Variants in HADHA observed in about 807,000 individuals in gnomAD.
HADHA encodes the protein trifunctional enzyme subunit alpha, mitochondrial.
In HADHA, 59 loss-of-function variants were observed where a neutral mutation model predicts 91.3. That is an observed-to-expected ratio of 0.65 (90% CI 0.52 to 0.80). The LOEUF is 0.80. HADHA is among the 30% of genes least tolerant of loss of function. The pLI is 0.00. For synonymous variants in HADHA, 320 were observed against 338.9 expected, an observed-to-expected ratio of 0.94 and a Z score of 0.61; for missense variants, 800 against 927.6, an observed-to-expected ratio of 0.86 and a Z score of 1.79.
At chr2:26,212,996 A>G (rs189460387) in intron 9 of HADHA, among the ~76,000 whole-genome samples, 4 of 152,320 alleles carry the variant, frequency 2.6e-5, no homozygotes, top group Non-Finnish European at 4.4e-5. Context: ...AACTCTACAA[A>G]ATTCAATGTA....
intron 4 of HADHA, among the ~76,000 whole-genome samples, chr2:26,234,927 T>C (rs977308324): frequency 5.3e-5 from 8 of 152,154 alleles, no homozygotes; most frequent in African/African-American, 1.9e-4. Context: ...ATCAGGTAGT[T>C]AACAGCAATA....
At chr2:26,239,977 T>C (rs973859127) in intron 1 of HADHA, among the ~76,000 whole-genome samples, 8 of 152,328 alleles carry the variant, frequency 5.3e-5, no homozygotes, top group South Asian at 2.1e-4. Context: ...ACTTGACTAA[T>C]AGTATGTTTC....
In HADHA at chr2:26,244,077, C is replaced by CA. The variant is rs1269774806; in HGVS notation, c.67+452dup. Among the ~76,000 whole-genome samples, 7 of 152,386 alleles carry CA rather than the reference C, an allele frequency of 4.6e-5. No individual in the cohort carries two copies. In the East Asian group the frequency reaches 1.2e-3, roughly 25 times the overall value. On this transcript the variant is annotated intron_variant, in intron 1 of 19. Transcript: ENST00000380649. ...CGGAGCAGGGAGGGGCAGTGATCTG[C>CA]AAGGCTGATTAATCCCATACAAGAC...
Position 26,193,654 on chromosome 2 carries a change from A to G in HADHA, c.1808T>C (p.Leu603Pro), listed in dbSNP as rs1669576803. The change falls in exon 17 of 20, where the codon CTG becomes CCG. Residue 603 changes from leucine to proline, a missense_variant. Physicochemically the swap from Leu to Pro is moderately conservative, Grantham distance 98. Transcript: ENST00000380649. Reference protein sequence around the residue: ...VDVAKHVAEDLGKVFGERFGG... With the variant: ...VDVAKHVAEDPGKVFGERFGG... ...AAACCGCTCCCCAAAGACTTTGCCC[A>G]GATCTTCCGCCACATGTTTCGCTAC... 1 of 1,614,144 alleles carries G rather than the reference A, an allele frequency of 6.2e-7. No individual in the cohort carries two copies. Among genetic ancestry groups the G allele is most frequent in the South Asian group, 1.1e-5 (1 of 91,080 alleles).
chr2:26,192,522 C>T (rs1669538619), intron 17 of HADHA, 98 bp from the exon 18 acceptor site: 1 of 771,048 alleles, frequency 1.3e-6, no homozygotes, highest in Admixed American at 1.8e-5. Flanking sequence ...CGTGGTGGCT[C>T]ACGCCTGTAA....
rs80105077 is a variant in HADHA at position 26,209,498 on chromosome 2, G to A, written c.1085+282C>T. The stretch of plus-strand genomic sequence containing the variant: ...ATTGAACAGTGCAGAGGGAGTGTGT[G>A]GTTTGGGAAGGGGGACCTAAACCAG... On this transcript the variant is annotated intron_variant, in intron 11 of 19. Transcript: ENST00000380649. Among the ~76,000 whole-genome samples the A allele has an allele frequency of 4.6e-3, 704 of 152,264 alleles. 3 individuals carry two copies. The highest frequency in any genetic ancestry group is 0.016 in the African/African-American group (685 of 41,550).
intron 7 of HADHA, among the ~76,000 whole-genome samples, chr2:26,217,293 G>C (rs1670260788): frequency 6.6e-6 from 1 of 151,924 alleles, no homozygotes; most frequent in Non-Finnish European, 1.5e-5. Flanking sequence ...AATGAAAGAA[G>C]ACCTAAAACA....
intron 12 of HADHA, among the ~76,000 whole-genome samples, chr2:26,202,090 CGCCCAGCCTGTGG>C (rs1669861288): frequency 6.6e-6 from 1 of 152,032 alleles, no homozygotes; most frequent in South Asian, 2.1e-4. Flanking sequence ...TGAGCCACCG[CGCCCAGCCTGTGG>C]TTGTAATCTT....
chr2:26,201,239 A>C lies in HADHA; in HGVS notation c.1302T>G (p.Asp434Glu), dbSNP rs1047415253. 2 of 1,612,748 alleles carry C rather than the reference A, an allele frequency of 1.2e-6. No homozygotes were observed. The highest frequency in any genetic ancestry group is 2.7e-5 in the African/African-American group (2 of 74,888). ...TGTCGGCCTTTTCAAAACCTTGGTA[A>C]TCAAGCTGCCCAGTCAAGTTGCTGA... ...SIFSNLTGQL[D>E]YQGFEKADMV... Residue 434 changes from aspartate (D) to glutamate (E), a missense_variant, in exon 13 of 20, where the codon GAT (aspartate) becomes GAG (glutamate). By Grantham distance (45) the Asp-to-Glu change is conservative. Transcript: ENST00000380649.
At chr2:26,212,288 T>C (rs552152761) in intron 10 of HADHA, 2 of 419,462 alleles carry the variant, frequency 4.8e-6, no homozygotes, top group South Asian at 2.2e-5. Context: ...GGTTTTGCCA[T>C]GTTGCACATG....
chr2:26,243,416 C>A (rs1670964822), intron 1 of HADHA: 1 of 151,588 alleles, frequency 6.6e-6, no homozygotes, highest in Non-Finnish European at 1.5e-5. Context: ...TTTTTTTCAT[C>A]TCTTTCCTCA....
intron 9 of HADHA, 105 bp from the exon 10 acceptor site, chr2:26,212,731 A>C: frequency 1.2e-6 from 1 of 801,358 alleles, no homozygotes; most frequent in Non-Finnish European, 2.3e-6. Flanking sequence ...AGAGTAAGTC[A>C]AAAGTCTAGA....
At chr2:26,212,701 C>T in intron 9 of HADHA, 75 bp from the exon 10 acceptor site, 1 of 982,634 alleles carries the variant, frequency 1.0e-6, no homozygotes, top group East Asian at 2.4e-5. Flanking sequence ...AATAAAATTG[C>T]CAGTGTTGTT....
At chr2:26,240,874 C>T (rs763152003) in intron 1 of HADHA, among the ~76,000 whole-genome samples, 1 of 152,086 alleles carries the variant, frequency 6.6e-6, no homozygotes, top group Non-Finnish European at 1.5e-5. Flanking sequence ...CCTATGCTGC[C>T]CACACACTCA....
intron 16 of HADHA, among the ~76,000 whole-genome samples, chr2:26,194,032 C>T (rs1435044729): frequency 6.6e-6 from 1 of 152,196 alleles, no homozygotes. Flanking sequence ...TTCTTGTTTG[C>T]ATTTCTGAAT....
chr2:26,197,325 T>C (rs1669702735), intron 14 of HADHA, among the ~76,000 whole-genome samples: 1 of 152,196 alleles, frequency 6.6e-6, no homozygotes, highest in Non-Finnish European at 1.5e-5. Flanking sequence ...TTCCCTGATC[T>C]GGAGGTGGAA....
chr2:26,226,582 C>T (rs538825593), intron 7 of HADHA, among the ~76,000 whole-genome samples: 3 of 152,262 alleles, frequency 2.0e-5, no homozygotes, highest in South Asian at 2.1e-4. Flanking sequence ...TAGTAGTCTT[C>T]TCAACAAATG....
intron 7 of HADHA, among the ~76,000 whole-genome samples, chr2:26,224,351 C>G (rs563454494): frequency 3.1e-4 from 47 of 152,296 alleles, no homozygotes; most frequent in Non-Finnish European, 5.7e-4. Context: ...TATTTGATAG[C>G]TCAGTTCTCT....
In HADHA at chr2:26,192,162, A is replaced by G. The variant is rs79495003; in HGVS notation, c.2000+148T>C. 953 of 623,802 alleles carry G rather than the reference A, an allele frequency of 1.5e-3. 4 individuals carry two copies. In the African/African-American group the frequency reaches 0.017, roughly 11 times the overall value. The allele number at this position is 623,802 out of a possible 1,614,324, so 38.6% of individuals were successfully genotyped here. On this transcript the variant is annotated intron_variant, in intron 18 of 19. Coordinates refer to ENST00000380649, the MANE Select transcript of HADHA (RefSeq NM_000182.5). ...CACAAAGAAAATGGAAGACAGCACC[A>G]TGGCACGTGTATACCTATGTAACAA...
Sources: allele counts gnomAD v4.1 joint callset (sites outside exome capture counted in the v4.1 genomes callset), GRCh38; gene constraint gnomAD v4.1.1; transcripts MANE v1.5; gene names NCBI Gene and HGNC (gene_info 2026-07-23, HGNC 2026-07-21).